The following PHACTR1 variants were observed in gnomAD, a reference collection of about 807,000 sequenced individuals.
PHACTR1 encodes phosphatase and actin regulator 1.
PHACTR1 carries 16 observed loss-of-function variants against 69.2 expected under a neutral mutation model. The ratio of observed to expected loss-of-function variants is 0.23; its 90% CI spans 0.16 to 0.35. The LOEUF (loss-of-function observed/expected upper bound fraction) is 0.35, where lower values mean the gene tolerates loss of function less well. PHACTR1 is among the 10% of genes least tolerant of loss of function. PHACTR1 has a pLI of 1.00. For synonymous variants in PHACTR1, 312 were observed against 284.5 expected (o/e 1.10, Z -0.97); for missense variants, 510 against 734.7 (o/e 0.69, Z 3.54).
intron 5 of PHACTR1, among the ~76,000 whole-genome samples, chr6:13,107,397 C>A (rs1816342231): frequency 6.6e-6 from 1 of 152,210 alleles, no homozygotes; most frequent in Non-Finnish European, 1.5e-5. Context: ...TAGGTGTGAG[C>A]CACCATGCTT....
intron 8 of PHACTR1, among the ~76,000 whole-genome samples, chr6:13,215,708 C>T (rs116618725): frequency 0.016 from 2,421 of 152,270 alleles, 54 homozygotes; most frequent in African/African-American, 0.054. Context: ...CCATACAGGT[C>T]GGATCAGCTG....
At chr6:12,872,708 C>T (rs139228828) in intron 4 of PHACTR1, among the ~76,000 whole-genome samples, 2 of 152,186 alleles carry the variant, frequency 1.3e-5, no homozygotes, top group East Asian at 1.9e-4. Flanking sequence ...ATCAAATGCC[C>T]CCCGAAGTTT....
intron 4 of PHACTR1, among the ~76,000 whole-genome samples, chr6:13,026,274 T>A (rs534787273): frequency 1.3e-5 from 2 of 152,222 alleles, no homozygotes; most frequent in African/African-American, 2.4e-5. Flanking sequence ...CTGGAGAGGG[T>A]TAGGAAAACA....
At chr6:13,004,738 A>G (rs1798574209) in intron 4 of PHACTR1, among the ~76,000 whole-genome samples, 1 of 152,044 alleles carries the variant, frequency 6.6e-6, no homozygotes, top group South Asian at 2.1e-4. Flanking sequence ...AAAGTTCTGG[A>G]CGGCAGCATG....
chr6:12,944,845 C>T (rs1022747749), intron 4 of PHACTR1, among the ~76,000 whole-genome samples: 4 of 151,028 alleles, frequency 2.6e-5, no homozygotes, highest in Non-Finnish European at 5.9e-5. Flanking sequence ...TGCAGTGGCG[C>T]GATCTCGGCT....
chr6:12,749,617 C>T (rs1320503347), intron 3 of PHACTR1, 27 bp from the exon 4 acceptor site: 11 of 1,564,016 alleles, frequency 7.0e-6, no homozygotes, highest in Non-Finnish European at 8.7e-6. Context: ...CTCTCTCCCT[C>T]TCCCTCCGTC....
At chr6:13,100,949 G>T in intron 5 of PHACTR1, among the ~76,000 whole-genome samples, 1 of 152,172 alleles carries the variant, frequency 6.6e-6, no homozygotes, top group East Asian at 1.9e-4. Flanking sequence ...ATTTCTTAAA[G>T]ATTTTGTTAA....
At chr6:12,774,242 T>A (rs2127631979) in intron 4 of PHACTR1, among the ~76,000 whole-genome samples, 1 of 152,350 alleles carries the variant, frequency 6.6e-6, no homozygotes, top group East Asian at 1.9e-4. Context: ...TGCTTAACAC[T>A]CTACAATTTG....
intron 10 of PHACTR1, among the ~76,000 whole-genome samples, chr6:13,254,884 T>G (rs1249132173): frequency 6.6e-6 from 1 of 152,206 alleles, no homozygotes; most frequent in Non-Finnish European, 1.5e-5. Context: ...AGATAGGAAA[T>G]TCTTATATGC....
At chr6:13,111,956 A>G (rs1439507863) in intron 5 of PHACTR1, among the ~76,000 whole-genome samples, 4 of 152,178 alleles carry the variant, frequency 2.6e-5, no homozygotes, top group African/African-American at 7.2e-5. Context: ...GGTTCTTTGT[A>G]CGGATTATTT....
Position 12,830,133 on chromosome 6 carries a change from G to GAAAGAAAGA in PHACTR1, c.250+80346_250+80354dup, listed in dbSNP as rs1554146500. Among the ~76,000 whole-genome samples the GAAAGAAAGA allele has an allele frequency of 1.3e-3, 181 of 143,444 alleles. 2 individuals carry two copies. The highest frequency in any genetic ancestry group is 7.3e-3 in the Middle Eastern group (2 of 274). The allele number at this position is 143,444 out of a possible 152,430, so 94.1% of individuals were successfully genotyped here. ...AGAAAGAAAGAAAGAAAGAAAGAAA[G>GAAAGAAAGA]AAAGAAAGAAAGAAAGAAAGAAAGA... On this transcript the variant is annotated intron_variant, in intron 4 of 14. Coordinates refer to ENST00000332995, the MANE Select transcript of PHACTR1 (RefSeq NM_030948.6).
intron 4 of PHACTR1, among the ~76,000 whole-genome samples, chr6:12,795,876 AT>A (rs11284468): frequency 0.44 from 66,740 of 151,588 alleles, 15,439 homozygotes; most frequent in African/African-American, 0.55. Context: ...CAGACCTTAC[AT>A]TTTTAAGAAA....
chr6:13,073,075 G>T, intron 5 of PHACTR1, among the ~76,000 whole-genome samples: 1 of 152,062 alleles, frequency 6.6e-6, no homozygotes, highest in Middle Eastern at 3.4e-3. Flanking sequence ...CCAATCCACC[G>T]TAGTCCCACA....
intron 4 of PHACTR1, among the ~76,000 whole-genome samples, chr6:12,996,902 A>AC (rs1220516173): frequency 6.6e-6 from 1 of 152,164 alleles, no homozygotes; most frequent in Non-Finnish European, 1.5e-5. Flanking sequence ...GCGATGGCTC[A>AC]CCCCTGTAAT....
intron 5 of PHACTR1, among the ~76,000 whole-genome samples, chr6:13,096,672 G>T (rs1348347342): frequency 1.3e-5 from 2 of 152,176 alleles, no homozygotes; most frequent in Admixed American, 6.5e-5. Context: ...AACTCCAATG[G>T]TCTTAGTTTT....
intron 4 of PHACTR1, among the ~76,000 whole-genome samples, chr6:12,783,216 GC>G (rs974635434): frequency 6.6e-6 from 1 of 152,124 alleles, no homozygotes; most frequent in Non-Finnish European, 1.5e-5. Flanking sequence ...TGCATCCATT[GC>G]CCAGGTAGGT....
chr6:12,744,624 C>G (rs187656850), intron 3 of PHACTR1, among the ~76,000 whole-genome samples: 2 of 152,018 alleles, frequency 1.3e-5, no homozygotes, highest in East Asian at 3.9e-4. Context: ...TTGGATTTCA[C>G]CCAAGAAAGA....
At position 13,115,457 on chromosome 6, in the gene PHACTR1, C is replaced by T. The variant is rs143073698; in HGVS notation, c.416-44747C>T. 2.6e-5 allele frequency among the ~76,000 whole-genome samples: 4 copies of T among 152,190 alleles called. No homozygotes were observed. In the East Asian group the frequency reaches 7.7e-4, roughly 29 times the overall value. ...CTTGATTCTGCCTCCTAAAGGGGTTCCTTTTTAAGCTACACCTTCTTCTCC... is the reference window on the plus strand; with the variant it reads ...CTTGATTCTGCCTCCTAAAGGGGTTTCTTTTTAAGCTACACCTTCTTCTCC... On this transcript the variant is annotated intron_variant, in intron 5 of 14. Coordinates refer to ENST00000332995, the MANE Select transcript of PHACTR1 (RefSeq NM_030948.6).
intron 4 of PHACTR1, among the ~76,000 whole-genome samples, chr6:12,949,958 A>G (rs960623751): frequency 5.9e-5 from 9 of 152,232 alleles, no homozygotes; most frequent in Non-Finnish European, 1.0e-4. Flanking sequence ...TCTCACACCT[A>G]ATGCTCCAAT....
Sources: allele counts gnomAD v4.1 joint callset (sites outside exome capture counted in the v4.1 genomes callset), GRCh38; gene constraint gnomAD v4.1.1; transcripts MANE v1.5; gene names NCBI Gene and HGNC (gene_info 2026-07-23, HGNC 2026-07-21).